The following CNTN6 variants were observed in gnomAD, a reference collection of about 807,000 sequenced individuals.
CNTN6 encodes contactin-6.
Under a neutral mutation model 122.8 loss-of-function variants are expected in CNTN6, and 137 were observed. The ratio of observed to expected loss-of-function variants is 1.12; its 90% CI spans 0.97 to 1.29. The LOEUF is 1.29. Ranked by LOEUF, CNTN6 falls within the 50% of genes most tolerant of loss-of-function variation. CNTN6 has a pLI of 0.00. For synonymous variants in CNTN6, 570 were observed against 426.0 expected (o/e 1.34, Z -4.16); for missense variants, 1,634 against 1,223.4 (o/e 1.34, Z -5.01).
At chr3:1,151,285 A>G (rs1289490506) in intron 2 of CNTN6, among the ~76,000 whole-genome samples, 1 of 152,190 alleles carries the variant, frequency 6.6e-6, no homozygotes, top group Admixed American at 6.5e-5. Flanking sequence ...TTAATTAATT[A>G]CCAAAAGTTA....
intron 12 of CNTN6, among the ~76,000 whole-genome samples, chr3:1,370,142 G>C (rs926827640): frequency 1.3e-5 from 2 of 151,644 alleles, no homozygotes; most frequent in Non-Finnish European, 2.9e-5. Flanking sequence ...AAAAAAGAAA[G>C]AACCCAATAA....
At chr3:1,123,430 T>C (rs2092037448) in intron 1 of CNTN6, among the ~76,000 whole-genome samples, 1 of 150,720 alleles carries the variant, frequency 6.6e-6, no homozygotes, top group Non-Finnish European at 1.5e-5. Context: ...TGTTTTTTTC[T>C]TAATGTGCTT....
At chr3:1,353,403 A>G (rs1039461763) in intron 12 of CNTN6, among the ~76,000 whole-genome samples, 2 of 151,706 alleles carry the variant, frequency 1.3e-5, no homozygotes, top group Non-Finnish European at 3.0e-5. Flanking sequence ...CCTGGAAGAT[A>G]TTTCTGCCAA....
chr3:1,265,630 C>T (rs1019984995), intron 4 of CNTN6, among the ~76,000 whole-genome samples: 8 of 152,188 alleles, frequency 5.3e-5, no homozygotes, highest in Admixed American at 2.0e-4. Context: ...TCTAAGAGTC[C>T]TTCAGCATTC....
chr3:1,359,196 C>G (rs554129065), intron 12 of CNTN6, among the ~76,000 whole-genome samples: 1 of 152,176 alleles, frequency 6.6e-6, no homozygotes, highest in African/African-American at 2.4e-5. Context: ...TATGTAGTCA[C>G]TGCCTATTAT....
intron 17 of CNTN6, among the ~76,000 whole-genome samples, chr3:1,382,156 T>C (rs746012427): frequency 1.1e-4 from 17 of 152,054 alleles, no homozygotes; most frequent in African/African-American, 2.9e-4. Flanking sequence ...ATAAATTCCA[T>C]TGATTTTTCA....
intron 2 of CNTN6, among the ~76,000 whole-genome samples, chr3:1,162,681 C>T (rs1453170294): frequency 6.6e-6 from 1 of 152,210 alleles, no homozygotes; most frequent in East Asian, 1.9e-4. Flanking sequence ...TTTGTTGTTG[C>T]ATAATGACAT....
At chr3:1,173,278 T>A in intron 2 of CNTN6, 1 of 456,690 alleles carries the variant, frequency 2.2e-6, no homozygotes, top group Non-Finnish European at 4.4e-6. Context: ...ATCTACCTCT[T>A]ATGCTAAGTG....
At chr3:1,387,953 A>G (rs1447313744) in intron 20 of CNTN6, among the ~76,000 whole-genome samples, 1 of 152,028 alleles carries the variant, frequency 6.6e-6, no homozygotes, top group African/African-American at 2.4e-5. Flanking sequence ...GCAGTCTGAG[A>G]TCAAACTGCA....
At chr3:1,342,459 A>G (rs1704039655) in intron 11 of CNTN6, among the ~76,000 whole-genome samples, 1 of 152,160 alleles carries the variant, frequency 6.6e-6, no homozygotes, top group African/African-American at 2.4e-5. Flanking sequence ...CTTGCTTTCC[A>G]GCAAAACATA....
chr3:1,390,336 G>T (rs969637935), intron 20 of CNTN6, among the ~76,000 whole-genome samples: 2 of 151,874 alleles, frequency 1.3e-5, no homozygotes, highest in Admixed American at 6.6e-5. Context: ...AATGAAGGCA[G>T]AAATAAAGAT....
rs752933103 is a variant in CNTN6 at position 1,403,393 on chromosome 3, GTT to G, written c.3065_3066del (p.Phe1022CysfsTer15). ...TCCATTGTCATTGTGATTTTTCACT[GTT>G]TTGCTATTCAGCCACTTATCTGATG... On this transcript the variant is annotated frameshift_variant, in exon 23 of 23. Transcript: ENST00000446702. LOFTEE classifies it high-confidence loss of function. 2 of 1,609,710 alleles carry G rather than the reference GTT, an allele frequency of 1.2e-6. No homozygotes were observed. Among genetic ancestry groups the G allele is most frequent in the African/African-American group, 2.7e-5 (2 of 74,726 alleles).
chr3:1,352,829 A>C (rs1021401886), intron 12 of CNTN6, among the ~76,000 whole-genome samples: 3 of 151,916 alleles, frequency 2.0e-5, no homozygotes, highest in African/African-American at 7.2e-5. Context: ...ATTTACATGT[A>C]TATAAGGCTA....
At chr3:1,287,177 C>T (rs952845728) in intron 5 of CNTN6, among the ~76,000 whole-genome samples, 1 of 152,066 alleles carries the variant, frequency 6.6e-6, no homozygotes, top group South Asian at 2.1e-4. Flanking sequence ...AAATTAACAA[C>T]GATATTCAGG....
chr3:1,262,457 T>C (rs765567203), intron 4 of CNTN6, among the ~76,000 whole-genome samples: 5 of 152,142 alleles, frequency 3.3e-5, no homozygotes, highest in Non-Finnish European at 5.9e-5. Context: ...TCCTTCCTGT[T>C]CCCAGATATG....
intron 1 of CNTN6, among the ~76,000 whole-genome samples, chr3:1,099,210 G>C (rs1376363451): frequency 6.6e-6 from 1 of 152,108 alleles, no homozygotes; most frequent in East Asian, 1.9e-4. Flanking sequence ...CCAGCACTTT[G>C]GGAGGCCGAG....
intron 1 of CNTN6, among the ~76,000 whole-genome samples, chr3:1,136,430 T>C (rs930704059): frequency 3.3e-5 from 5 of 152,168 alleles, no homozygotes; most frequent in African/African-American, 1.2e-4. Flanking sequence ...TCATGGAAGT[T>C]TGGGAAACAG....
chr3:1,239,559 G>A (rs1336029726), intron 4 of CNTN6, among the ~76,000 whole-genome samples: 2 of 152,140 alleles, frequency 1.3e-5, no homozygotes, highest in Non-Finnish European at 2.9e-5. Flanking sequence ...CCATGCTCAT[G>A]GTTGGGGAGA....
At chr3:1,399,233 G>A (rs560105074) in intron 20 of CNTN6, among the ~76,000 whole-genome samples, 1 of 152,174 alleles carries the variant, frequency 6.6e-6, no homozygotes, top group African/African-American at 2.4e-5. Context: ...GGTATCAAGA[G>A]TAGACTAGAT....
Sources: gnomAD v4.1 joint callset for allele counts (sites outside exome capture counted in the v4.1 genomes callset) on GRCh38, gnomAD v4.1.1 for gene constraint, MANE v1.5 for transcripts, NCBI Gene and HGNC (gene_info 2026-07-23, HGNC 2026-07-21) for gene names.